The following CENPP variants were observed in gnomAD, a reference collection of about 807,000 sequenced individuals.
The protein encoded by CENPP is centromere protein P.
Under a neutral mutation model 35.6 loss-of-function variants are expected in CENPP, and 24 were observed. The observed-to-expected ratio is 0.67, with a 90% CI of 0.49 to 0.95. CENPP has a LOEUF of 0.95. CENPP is among the 40% of genes least tolerant of loss of function. The pLI, the probability that CENPP is intolerant of heterozygous loss-of-function variation, is 0.00. For missense variants in CENPP, 332 were observed against 345.3 expected, an observed-to-expected ratio of 0.96 and a Z score of 0.31; for synonymous variants, 120 against 125.5, an observed-to-expected ratio of 0.96 and a Z score of 0.29.
At chr9:92,470,868 C>A in intron 5 of CENPP, 1 of 828,230 alleles carries the variant, frequency 1.2e-6, no homozygotes, top group Middle Eastern at 2.7e-4. Flanking sequence ...TTTTTTAAAA[C>A]CCATGATTAT....
chr9:92,577,011 C>T (rs1850299198), intron 5 of CENPP, among the ~76,000 whole-genome samples: 1 of 152,082 alleles, frequency 6.6e-6, no homozygotes, highest in Non-Finnish European at 1.5e-5. Context: ...AGCATACCTA[C>T]CAGAATGGTG....
rs142329720 is a variant in CENPP at position 92,439,837 on chromosome 9, A to G, written c.564+59978A>G. On this transcript the variant is annotated intron_variant, in intron 5 of 7. Transcript: ENST00000375587. ...AAAGGAACTCTTTGATCTTCAAAGT[A>G]GTGAAATGATTCTAAGTATGGATAA... is the stretch of plus-strand genomic sequence containing the variant. Among the ~76,000 whole-genome samples the G allele has an allele frequency of 3.4e-4, 52 of 152,348 alleles. No homozygotes were observed. In the East Asian group the frequency reaches 8.3e-3, roughly 24 times the overall value.
At chr9:92,579,978 CA>C (rs1850380239) in intron 5 of CENPP, among the ~76,000 whole-genome samples, 1 of 148,228 alleles carries the variant, frequency 6.7e-6, no homozygotes, top group African/African-American at 2.5e-5. Context: ...TACGTCCCAT[CA>C]ATACCTAATT....
Position 92,614,144 on chromosome 9 carries a change from T to C in CENPP, c.*995T>C, listed in dbSNP as rs1477903019. The C allele has an allele frequency of 6.6e-6, 1 of 152,296 alleles. No homozygotes were observed. Among genetic ancestry groups the C allele is most frequent in the Non-Finnish European group, 1.5e-5 (1 of 68,122 alleles). 9.4% of individuals were successfully genotyped at this position (152,296 alleles called of 1,614,324 possible). ...TGGGCCCTGTGCTAGGCAATAACTC[T>C]TGCAGCCCTGAAGGACCTAGGGAGC... On this transcript the variant is annotated 3_prime_UTR_variant, in exon 8 of 8. Transcript: ENST00000375587.
At chr9:92,415,366 A>G in intron 5 of CENPP, 1 of 1,613,562 alleles carries the variant, frequency 6.2e-7, no homozygotes. Flanking sequence ...GAAGCAGAAG[A>G]AGATGTATGA....
At chr9:92,494,070 C>G (rs1028613197) in intron 5 of CENPP, 2 of 1,596,684 alleles carry the variant, frequency 1.3e-6, no homozygotes, top group Non-Finnish European at 1.7e-6. Context: ...GTTTGATTTC[C>G]TGCTTATTGC....
intron 5 of CENPP, among the ~76,000 whole-genome samples, chr9:92,518,901 A>C (rs1165452257): frequency 1.3e-5 from 2 of 152,174 alleles, no homozygotes; most frequent in Non-Finnish European, 2.9e-5. Context: ...TAAATAAATA[A>C]ACAAATAAAG....
At chr9:92,393,197 A>T in intron 5 of CENPP, 1 of 1,613,686 alleles carries the variant, frequency 6.2e-7, no homozygotes, top group South Asian at 1.1e-5. Context: ...ACTTCTTCAC[A>T]GTATACAGAG....
At chr9:92,495,528 A>G (rs1261341269) in intron 5 of CENPP, 1 of 982,812 alleles carries the variant, frequency 1.0e-6, no homozygotes, top group Middle Eastern at 5.2e-4. Context: ...TTGTATTTTA[A>G]GCAAACTCTA....
intron 5 of CENPP, among the ~76,000 whole-genome samples, chr9:92,380,306 A>C (rs915980667): frequency 6.6e-5 from 10 of 152,162 alleles, no homozygotes; most frequent in African/African-American, 2.2e-4. Flanking sequence ...CTAAAGCCTG[A>C]TATGGGTACT....
chr9:92,416,333 C>T (rs745650132), intron 5 of CENPP, among the ~76,000 whole-genome samples: 18 of 151,896 alleles, frequency 1.2e-4, no homozygotes, highest in Middle Eastern at 3.4e-3. Flanking sequence ...CTCCTGGCCT[C>T]AAGTGATCCA....
At position 92,616,092 on chromosome 9, in the gene CENPP, G is replaced by T; in HGVS notation, c.*2943G>T. 1 of 1,451,218 alleles carries T rather than the reference G, an allele frequency of 6.9e-7. No homozygotes were observed. The highest frequency in any genetic ancestry group is 9.6e-7 in the Non-Finnish European group (1 of 1,042,328). 89.9% of individuals were successfully genotyped at this position (1,451,218 alleles called of 1,614,324 possible). A position where few individuals can be genotyped will look rare whatever the true frequency, so the allele number is the denominator to read the frequency against. ...AAAAGTACCATTTCAGGATACACAA[G>T]CCCCCCATTCATTTCCCTCCCTCCC... On this transcript the variant is annotated 3_prime_UTR_variant, in exon 8 of 8. Coordinates refer to ENST00000375587, the MANE Select transcript of CENPP (RefSeq NM_001012267.3).
Position 92,619,708 on chromosome 9 carries a change from G to T in CENPP, c.*6559G>T. ...GGATTAGGAGCGAGGGCCACGGTGA[G>T]CACGGGCGTCAGGAGGTCGCCCTGT... On this transcript the variant is annotated 3_prime_UTR_variant, in exon 8 of 8. Coordinates refer to ENST00000375587, the MANE Select transcript of CENPP (RefSeq NM_001012267.3). 1 of 731,328 alleles carries T rather than the reference G, an allele frequency of 1.4e-6. No homozygotes were observed. Among genetic ancestry groups the T allele is most frequent in the Non-Finnish European group, 2.3e-6 (1 of 429,588 alleles). 45.3% of individuals were successfully genotyped at this position (731,328 alleles called of 1,614,324 possible).
intron 5 of CENPP, among the ~76,000 whole-genome samples, chr9:92,501,389 A>G (rs531040475): frequency 1.3e-5 from 2 of 152,278 alleles, no homozygotes; most frequent in African/African-American, 4.8e-5. Flanking sequence ...TCCAAAATGA[A>G]ATCCCGTGAA....
intron 5 of CENPP, chr9:92,415,188 C>T (rs1395366894): frequency 6.2e-7 from 1 of 1,611,370 alleles, no homozygotes; most frequent in African/African-American, 1.3e-5. Flanking sequence ...GGTCAAAGTG[C>T]CCTTCTGCTC....
chr9:92,414,072 C>G, intron 5 of CENPP, among the ~76,000 whole-genome samples: 1 of 152,090 alleles, frequency 6.6e-6, no homozygotes, highest in East Asian at 1.9e-4. Flanking sequence ...GAGAGTTCAT[C>G]ACAGCAGTTA....
At chr9:92,384,296 A>G (rs1199298687) in intron 5 of CENPP, 1 of 152,210 alleles carries the variant, frequency 6.6e-6, no homozygotes, top group Non-Finnish European at 1.5e-5. Flanking sequence ...CTGACATTCT[A>G]GGTAGGGAAA....
intron 5 of CENPP, chr9:92,535,960 C>CT (rs1437929602): frequency 2.0e-6 from 1 of 508,204 alleles, no homozygotes; most frequent in Non-Finnish European, 3.9e-6. Flanking sequence ...GTAGGCTTTG[C>CT]TTGGTGTCAT....
chr9:92,416,684 A>AATTTGT, intron 5 of CENPP: 1 of 1,611,372 alleles, frequency 6.2e-7, no homozygotes, highest in Non-Finnish European at 8.5e-7. Context: ...TGCTTGCTTC[A>AATTTGT]ATTTGTTGTG....
Sources: allele counts gnomAD v4.1 joint callset (sites outside exome capture counted in the v4.1 genomes callset), GRCh38; gene constraint gnomAD v4.1.1; transcripts MANE v1.5; gene names NCBI Gene and HGNC (gene_info 2026-07-23, HGNC 2026-07-21).